The following ZNF366 variants were observed in gnomAD, a reference collection of about 807,000 sequenced individuals.
ZNF366 encodes the protein zinc finger protein 366.
Under a neutral mutation model 47.2 loss-of-function variants are expected in ZNF366, and 20 were observed. The ratio of observed to expected loss-of-function variants is 0.42; its 90% CI spans 0.30 to 0.62. The LOEUF is 0.62. ZNF366 is among the 20% of genes least tolerant of loss of function. The pLI, the probability that ZNF366 is intolerant of heterozygous loss-of-function variation, is 0.16. For synonymous variants in ZNF366, 421 were observed against 395.1 expected (o/e 1.07, Z -0.78); for missense variants, 987 against 976.3 (o/e 1.01, Z -0.15).
intron 1 of ZNF366, among the ~76,000 whole-genome samples, chr5:72,470,463 A>G (rs1313843222): frequency 1.3e-5 from 2 of 152,116 alleles, no homozygotes; most frequent in Admixed American, 6.5e-5. Flanking sequence ...CCAGAAGTGA[A>G]CCCCTCACTT....
intron 1 of ZNF366, among the ~76,000 whole-genome samples, chr5:72,480,903 G>A (rs1203145250): frequency 6.6e-6 from 1 of 152,148 alleles, no homozygotes; most frequent in Non-Finnish European, 1.5e-5. Flanking sequence ...TTGTAGGGAG[G>A]ATTAAGCAAG....
chr5:72,457,914 C>A (rs1351914764), intron 2 of ZNF366, among the ~76,000 whole-genome samples: 1 of 150,688 alleles, frequency 6.6e-6, no homozygotes, highest in African/African-American at 2.4e-5. Context: ...GGAGATGAAT[C>A]TTTAAAATGT....
At chr5:72,456,790 T>A (rs1743196553) in intron 2 of ZNF366, among the ~76,000 whole-genome samples, 195 bp from the exon 3 acceptor site, 2 of 152,224 alleles carry the variant, frequency 1.3e-5, no homozygotes. Flanking sequence ...AACCTTTTTT[T>A]TCCTTCTGAA....
chr5:72,440,189 T>C lies in ZNF366; in HGVS notation c.*3567A>G, dbSNP rs368976844. The stretch of plus-strand genomic sequence containing the variant: ...AACACCATGTTAATATTTTATTAAA[T>C]GCGTTCAGGGCTTAATAAATACAGT... On this transcript the variant is annotated 3_prime_UTR_variant, in exon 5 of 5. Transcript: ENST00000318442. 2.6e-4 allele frequency: 39 copies of C among 152,352 alleles called. No homozygotes were observed. The highest frequency in any genetic ancestry group is 8.4e-4 in the African/African-American group (35 of 41,584). The allele number at this position is 152,352 out of a possible 1,614,324, so 9.4% of individuals were successfully genotyped here.
chr5:72,489,462 A>G (rs1351641635), intron 1 of ZNF366, among the ~76,000 whole-genome samples: 1 of 152,048 alleles, frequency 6.6e-6, no homozygotes, highest in Non-Finnish European at 1.5e-5. Context: ...ATCCATCCTG[A>G]CTAATATATT....
chr5:72,445,127 G>A (rs1468686209), intron 4 of ZNF366, among the ~76,000 whole-genome samples: 1 of 152,200 alleles, frequency 6.6e-6, no homozygotes, highest in Non-Finnish European at 1.5e-5. Context: ...CAGCCCCTGT[G>A]TCTGACCTCC....
At chr5:72,500,244 G>A (rs1186312620) in intron 1 of ZNF366, among the ~76,000 whole-genome samples, 1 of 152,132 alleles carries the variant, frequency 6.6e-6, no homozygotes, top group Non-Finnish European at 1.5e-5. Flanking sequence ...ACTCTGCGGT[G>A]CCCTAATGTG....
Position 72,444,182 on chromosome 5 carries a change from CA to C in ZNF366, c.1808del (p.Val603GlyfsTer125). ...GGGCACTCTCCCCGTCTGACTGGAA[CA>C]CCGGCACCTTGGCCCGGCGCTTCTG... is the stretch of plus-strand genomic sequence containing the variant. ...LSQKRRAKVPVFQSDGESAQG... is the reference protein window; with the variant it reads ...LSQKRRAKVPXFQSDGESAQG... On this transcript the variant is annotated frameshift_variant, in exon 5 of 5. Transcript: ENST00000318442. LOFTEE classifies it low-confidence loss of function (END_TRUNC). 6.2e-7 allele frequency: 1 copy of C among 1,613,540 alleles called. No individual in the cohort carries two copies. The highest frequency in any genetic ancestry group is 8.5e-7 in the Non-Finnish European group (1 of 1,180,046).
chr5:72,459,283 G>A (rs1743253673), intron 2 of ZNF366, among the ~76,000 whole-genome samples: 1 of 152,192 alleles, frequency 6.6e-6, no homozygotes, highest in Non-Finnish European at 1.5e-5. Flanking sequence ...CTTGCTAGAA[G>A]TCTTTCCTGC....
At chr5:72,448,520 CAG>C (rs1743002962) in intron 3 of ZNF366, among the ~76,000 whole-genome samples, 1 of 152,092 alleles carries the variant, frequency 6.6e-6, no homozygotes, top group African/African-American at 2.4e-5. Context: ...GGAATGCAAA[CAG>C]TGATTTTGTG....
At chr5:72,446,099 C>T (rs1742952573) in intron 4 of ZNF366, among the ~76,000 whole-genome samples, 1 of 152,182 alleles carries the variant, frequency 6.6e-6, no homozygotes, top group Non-Finnish European at 1.5e-5. Context: ...ACAAATCACC[C>T]CATGTTTCTG....
intron 1 of ZNF366, among the ~76,000 whole-genome samples, chr5:72,500,911 T>C (rs894110617): frequency 1.3e-5 from 2 of 152,200 alleles, no homozygotes; most frequent in Non-Finnish European, 2.9e-5. Flanking sequence ...GGCTACTACC[T>C]TAAAGGATAC....
At chr5:72,458,842 A>G (rs1358194937) in intron 2 of ZNF366, among the ~76,000 whole-genome samples, 1 of 152,266 alleles carries the variant, frequency 6.6e-6, no homozygotes, top group Non-Finnish European at 1.5e-5. Flanking sequence ...ATTAAAATTC[A>G]AATGAAACTT....
At chr5:72,483,937 C>A (rs968679113) in intron 1 of ZNF366, among the ~76,000 whole-genome samples, 11 of 151,868 alleles carry the variant, frequency 7.2e-5, no homozygotes, top group African/African-American at 2.7e-4. Context: ...AAAAAAAAAA[C>A]TTTTTATTAA....
chr5:72,465,407 T>C (rs1743409744), intron 1 of ZNF366, among the ~76,000 whole-genome samples: 1 of 152,222 alleles, frequency 6.6e-6, no homozygotes, highest in African/African-American at 2.4e-5. Flanking sequence ...GAAGGATGTC[T>C]TCCTGAGGAG....
chr5:72,473,217 C>T (rs1290893201), intron 1 of ZNF366, among the ~76,000 whole-genome samples: 1 of 152,156 alleles, frequency 6.6e-6, no homozygotes, highest in Non-Finnish European at 1.5e-5. Flanking sequence ...GGAGGAGGAG[C>T]AGCCATATTG....
chr5:72,480,539 CTAACT>C lies in ZNF366; in HGVS notation c.-14-19034_-14-19030del, dbSNP rs551876167. ...GATTCTGATTTATCACTAACCTTCT[CTAACT>C]TCCTTATAAAAGGAGTACATTAGAT... On this transcript the variant is annotated intron_variant, in intron 1 of 4. Transcript: ENST00000318442. Among the ~76,000 whole-genome samples, 887 of 152,252 alleles carry C rather than the reference CTAACT, an allele frequency of 5.8e-3. 10 individuals carry two copies. The highest frequency in any genetic ancestry group is 0.019 in the African/African-American group (806 of 41,528).
chr5:72,452,407 A>C (rs1441626639), intron 3 of ZNF366, among the ~76,000 whole-genome samples: 1 of 152,206 alleles, frequency 6.6e-6, no homozygotes, highest in Non-Finnish European at 1.5e-5. Flanking sequence ...CAGGCAGTTC[A>C]TACGGCTATA....
At chr5:72,485,403 T>C (rs927167049) in intron 1 of ZNF366, among the ~76,000 whole-genome samples, 6 of 152,204 alleles carry the variant, frequency 3.9e-5, no homozygotes, top group African/African-American at 4.8e-5. Flanking sequence ...TCCTTCTTTA[T>C]TACCTCTTCC....
Sources: allele counts gnomAD v4.1 joint callset (sites outside exome capture counted in the v4.1 genomes callset), GRCh38; gene constraint gnomAD v4.1.1; transcripts MANE v1.5; gene names NCBI Gene and HGNC (gene_info 2026-07-23, HGNC 2026-07-21).